The following SNX29 variants were observed in gnomAD, a reference collection of about 807,000 sequenced individuals.
SNX29 encodes the protein sorting nexin 29.
Under a neutral mutation model 102.1 loss-of-function variants are expected in SNX29, and 78 were observed. That is an observed-to-expected ratio of 0.76 (90% CI 0.64 to 0.92). SNX29 has a LOEUF of 0.92. Among genes scored for constraint, SNX29 ranks in the 40% least tolerant of loss-of-function variants. The pLI is 0.00. For synonymous variants in SNX29, 580 were observed against 414.5 expected (o/e 1.40, Z -4.85); for missense variants, 1,280 against 1,061.7 (o/e 1.21, Z -2.86).
chr16:12,532,568 C>G (rs1008188478), intron 20 of SNX29, among the ~76,000 whole-genome samples: 4 of 152,334 alleles, frequency 2.6e-5, no homozygotes, highest in East Asian at 3.9e-4. Context: ...TGCAGGAATT[C>G]TGACTTCACC....
At chr16:12,044,840 C>T (rs11865547) in intron 5 of SNX29, among the ~76,000 whole-genome samples, 56,690 of 152,052 alleles carry the variant, frequency 0.37, 11,111 homozygotes, top group Middle Eastern at 0.45. Flanking sequence ...CTCGGCCTCC[C>T]GACGTGCTGG....
chr16:12,011,100 G>A (rs191829364), intron 3 of SNX29, among the ~76,000 whole-genome samples: 131 of 150,200 alleles, frequency 8.7e-4, no homozygotes, highest in Admixed American at 2.3e-3. Flanking sequence ...CTTACCCCAA[G>A]TACTTTATTT....
At chr16:12,562,940 TAAG>T (rs2078811833) in intron 20 of SNX29, among the ~76,000 whole-genome samples, 1 of 152,118 alleles carries the variant, frequency 6.6e-6, no homozygotes, top group Non-Finnish European at 1.5e-5. Context: ...ACCTGCATAG[TAAG>T]AAGCAAACAT....
chr16:11,982,151 A>G (rs1415857685), intron 1 of SNX29, among the ~76,000 whole-genome samples: 6 of 152,218 alleles, frequency 3.9e-5, no homozygotes, highest in Non-Finnish European at 1.5e-5. Context: ...ATGTAGACCT[A>G]AAAAGATTAT....
intron 20 of SNX29, among the ~76,000 whole-genome samples, chr16:12,543,746 T>G (rs1252230904): frequency 2.0e-5 from 3 of 152,196 alleles, no homozygotes; most frequent in Admixed American, 6.5e-5. Flanking sequence ...TGGAGTTGAC[T>G]GGGGGAGATT....
intron 19 of SNX29, among the ~76,000 whole-genome samples, chr16:12,493,095 G>C (rs1350772851): frequency 6.6e-6 from 1 of 152,158 alleles, no homozygotes; most frequent in African/African-American, 2.4e-5. Flanking sequence ...TGATGGGGAT[G>C]GCATTGCATC....
chr16:12,550,538 A>T (rs1360009837), intron 20 of SNX29, among the ~76,000 whole-genome samples: 3 of 152,076 alleles, frequency 2.0e-5, no homozygotes, highest in Non-Finnish European at 4.4e-5. Context: ...CTACAAAAAA[A>T]AAAAAAAAAC....
At chr16:11,990,113 AG>A (rs1288362010) in intron 1 of SNX29, among the ~76,000 whole-genome samples, 1 of 152,180 alleles carries the variant, frequency 6.6e-6, no homozygotes, top group East Asian at 1.9e-4. Flanking sequence ...CCCACCTTCC[AG>A]GTAGATGTGA....
At chr16:12,002,173 C>T (rs529257484) in intron 2 of SNX29, among the ~76,000 whole-genome samples, 4 of 152,172 alleles carry the variant, frequency 2.6e-5, no homozygotes, top group South Asian at 2.1e-4. Context: ...CAGGGCCGGG[C>T]GCATTGGCTC....
chr16:12,161,524 G>T (rs890976435), intron 13 of SNX29, among the ~76,000 whole-genome samples: 1 of 152,138 alleles, frequency 6.6e-6, no homozygotes, highest in African/African-American at 2.4e-5. Flanking sequence ...TACCCTTCAG[G>T]CCTGAAGGAG....
intron 14 of SNX29, among the ~76,000 whole-genome samples, chr16:12,218,533 G>T (rs2077386104): frequency 6.6e-6 from 1 of 152,152 alleles, no homozygotes; most frequent in African/African-American, 2.4e-5. Context: ...CCTGTGGCCT[G>T]CAAACCCCAA....
chr16:12,189,046 CT>C (rs1354603679), intron 13 of SNX29, among the ~76,000 whole-genome samples: 1 of 152,146 alleles, frequency 6.6e-6, no homozygotes, highest in Non-Finnish European at 1.5e-5. Context: ...GTCCTGGAGG[CT>C]TGCCAAAATA....
Position 12,554,801 on chromosome 16 carries a change from A to G in SNX29, c.2319-13705A>G, listed in dbSNP as rs146873726. Among the ~76,000 whole-genome samples the G allele has an allele frequency of 3.4e-4, 52 of 152,304 alleles. 1 individual carries two copies. The East Asian group carries it at 9.5e-3, about 28-fold the overall frequency. ...CATAGAATGCAATTGTTTATTCTAG[A>G]AATTTGTATTGAGCACCTGCTCTGT... is the stretch of plus-strand genomic sequence containing the variant. On this transcript the variant is annotated intron_variant, in intron 20 of 20. Transcript: ENST00000566228.
At chr16:12,454,802 CTCTGCCTCCCAGGT>C (rs2151729360) in intron 18 of SNX29, among the ~76,000 whole-genome samples, 1 of 152,264 alleles carries the variant, frequency 6.6e-6, no homozygotes, top group African/African-American at 2.4e-5. Context: ...TCACTGCAAC[CTCTGCCTCCCAGGT>C]TCAGGCACTT....
At chr16:12,268,868 ATG>A (rs3971216) in intron 14 of SNX29, among the ~76,000 whole-genome samples, 1 of 152,092 alleles carries the variant, frequency 6.6e-6, no homozygotes, top group Non-Finnish European at 1.5e-5. Flanking sequence ...AGAAAACCCT[ATG>A]TGTTCTCTGG....
intron 15 of SNX29, among the ~76,000 whole-genome samples, chr16:12,313,174 C>T (rs796341886): frequency 1.1e-4 from 17 of 152,058 alleles, no homozygotes; most frequent in South Asian, 2.1e-4. Context: ...CCACCATGCC[C>T]GGCTAATTTT....
At chr16:12,080,008 C>A (rs2051786007) in intron 11 of SNX29, among the ~76,000 whole-genome samples, 1 of 151,980 alleles carries the variant, frequency 6.6e-6, no homozygotes, top group Non-Finnish European at 1.5e-5. Context: ...AATTGGTTTC[C>A]TTTGTGATAT....
chr16:12,379,322 A>G (rs1018794483), intron 16 of SNX29, among the ~76,000 whole-genome samples: 5 of 152,110 alleles, frequency 3.3e-5, no homozygotes, highest in Admixed American at 2.0e-4. Flanking sequence ...GGGTCTCCGT[A>G]TGTTGCCCAG....
At position 12,570,726 on chromosome 16, in the gene SNX29, T is replaced by C. The variant is rs548419895; in HGVS notation, c.*2097T>C. On this transcript the variant is annotated 3_prime_UTR_variant, in exon 21 of 21. Coordinates refer to ENST00000566228, the MANE Select transcript of SNX29 (RefSeq NM_032167.5). Reference sequence around the variant, plus strand: ...AAAGCACAGGATGTGAATTGGTCTCTCTCCAGATACCCCACGAGGAAGCAC... The same window carrying C: ...AAAGCACAGGATGTGAATTGGTCTCCCTCCAGATACCCCACGAGGAAGCAC... 69 of 232,342 alleles carry C rather than the reference T, an allele frequency of 3.0e-4. No individual in the cohort carries two copies. The highest frequency in any genetic ancestry group is 4.8e-4 in the Non-Finnish European group (57 of 117,542). 14.4% of individuals were successfully genotyped at this position (232,342 alleles called of 1,614,324 possible).
Sources: gnomAD v4.1 joint callset for allele counts (sites outside exome capture counted in the v4.1 genomes callset) on GRCh38, gnomAD v4.1.1 for gene constraint, MANE v1.5 for transcripts, NCBI Gene and HGNC (gene_info 2026-07-23, HGNC 2026-07-21) for gene names.